MPP7: variants seen among roughly 807,000 people sequenced by gnomAD.
MPP7 encodes MAGUK p55 subfamily member 7.
A neutral mutation model predicts 76.5 loss-of-function variants in MPP7; 60 were observed. The ratio of observed to expected loss-of-function variants is 0.78; its 90% CI spans 0.64 to 0.97. The LOEUF is 0.97. Among genes scored for constraint, MPP7 ranks in the 50% least tolerant of loss-of-function variants. The pLI is 0.00. For missense variants in MPP7, 641 were observed against 694.0 expected (o/e 0.92, Z 0.86); for synonymous variants, 237 against 244.5 (o/e 0.97, Z 0.29).
At chr10:28,300,214 C>T (rs1189517333) in intron 1 of MPP7, among the ~76,000 whole-genome samples, 1 of 152,052 alleles carries the variant, frequency 6.6e-6, no homozygotes, top group Admixed American at 6.5e-5. Flanking sequence ...AAGCGCCCCC[C>T]AGTGCACCAT....
intron 2 of MPP7, among the ~76,000 whole-genome samples, chr10:28,225,817 T>C (rs750960081): frequency 1.3e-5 from 2 of 152,332 alleles, no homozygotes; most frequent in Admixed American, 6.5e-5. Context: ...CACAGGGACA[T>C]ACTTATTTTT....
intron 3 of MPP7, among the ~76,000 whole-genome samples, chr10:28,196,192 A>T (rs1341333150): frequency 6.6e-6 from 1 of 152,170 alleles, no homozygotes. Flanking sequence ...CAATATTCAC[A>T]TATCCAGGCC....
intron 14 of MPP7, among the ~76,000 whole-genome samples, chr10:28,058,848 A>G (rs1324285870): frequency 2.0e-5 from 3 of 152,194 alleles, no homozygotes; most frequent in Non-Finnish European, 1.5e-5. Flanking sequence ...TTAGTCTAGT[A>G]GGGCTCTAAT....
chr10:28,298,457 C>T (rs1235403977), intron 1 of MPP7, among the ~76,000 whole-genome samples: 1 of 152,146 alleles, frequency 6.6e-6, no homozygotes, highest in Non-Finnish European at 1.5e-5. Flanking sequence ...CAATGGTACC[C>T]TTTCTTCTGA....
In MPP7 at chr10:28,334,076, C is replaced by T. The variant is rs532365640; in HGVS notation, c.-206+342G>A. Among the ~76,000 whole-genome samples the T allele has an allele frequency of 3.9e-5, 6 of 152,168 alleles. No individual in the cohort carries two copies. The East Asian group carries it at 9.7e-4, about 25-fold the overall frequency. On this transcript the variant is annotated intron_variant, in intron 1 of 11. Transcript: ENST00000441595. ...ATTAGCCAGGCATTGTGTCACACAC[C>T]TGTAGTCCCAGCTACTCAGGAAGCT...
At chr10:28,233,661 T>C (rs1264936239) in intron 2 of MPP7, among the ~76,000 whole-genome samples, 2 of 147,098 alleles carry the variant, frequency 1.4e-5, no homozygotes, top group Non-Finnish European at 3.0e-5. Context: ...GAACTTGCAA[T>C]GAGCCTAGAC....
At chr10:28,177,187 C>A (rs1326417031) in intron 3 of MPP7, among the ~76,000 whole-genome samples, 3 of 146,250 alleles carry the variant, frequency 2.1e-5, no homozygotes, top group Non-Finnish European at 4.4e-5. Flanking sequence ...GGAGGCCAAG[C>A]AGGCAGATCA....
rs1300502159 is a variant in MPP7 at position 28,256,512 on chromosome 10, G to GA, written c.-131-17778dup. ...AAACTGACTAAGCATCATTAGACAGGAAAAAAAAGTAATGACCTAAAATGT... is the reference window on the plus strand; with the variant it reads ...AAACTGACTAAGCATCATTAGACAGGAAAAAAAAAGTAATGACCTAAAATGT... On this transcript the variant is annotated intron_variant, in intron 1 of 16. Coordinates refer to ENST00000683449, the MANE Select transcript of MPP7 (RefSeq NM_001318170.2). Among the ~76,000 whole-genome samples, 8 of 151,436 alleles carry GA rather than the reference G, an allele frequency of 5.3e-5. No individual in the cohort carries two copies. The East Asian group carries it at 1.4e-3, about 26-fold the overall frequency.
At chr10:28,308,734 C>T (rs374027352) in intron 2 of MPP7, among the ~76,000 whole-genome samples, 1 of 151,806 alleles carries the variant, frequency 6.6e-6, no homozygotes, top group African/African-American at 2.4e-5. Flanking sequence ...GCTATGATCA[C>T]GCCATTGCAC....
At position 28,124,134 on chromosome 10, in the gene MPP7, T is replaced by C. The variant is rs1834932600; in HGVS notation, c.530-18A>G. 3 of 1,556,232 alleles carry C rather than the reference T, an allele frequency of 1.9e-6. No homozygotes were observed. Among genetic ancestry groups the C allele is most frequent in the Middle Eastern group, 1.7e-4 (1 of 5,936 alleles). On this transcript the variant is annotated intron_variant, in intron 7 of 16. Coordinates refer to ENST00000683449, the MANE Select transcript of MPP7 (RefSeq NM_001318170.2). ...AATAAGACCTGAGAAATAGGAGATT[T>C]GGTAAATTAGCAGTGTTACCCACAA...
intron 1 of MPP7, among the ~76,000 whole-genome samples, chr10:28,272,965 T>A (rs998567297): frequency 1.3e-5 from 2 of 152,192 alleles, no homozygotes; most frequent in Admixed American, 6.5e-5. Context: ...TCAGCCAGGC[T>A]GTAGTGTAGT....
chr10:28,084,007 A>C (rs1201744164), intron 12 of MPP7, among the ~76,000 whole-genome samples: 1 of 152,188 alleles, frequency 6.6e-6, no homozygotes, highest in Non-Finnish European at 1.5e-5. Flanking sequence ...ATTGCTCCAA[A>C]ATAGGAAAAG....
chr10:28,245,112 A>C (rs914713240), intron 1 of MPP7, among the ~76,000 whole-genome samples: 1 of 152,154 alleles, frequency 6.6e-6, no homozygotes, highest in Non-Finnish European at 1.5e-5. Context: ...TAAATCTTCA[A>C]GATTACACCA....
intron 11 of MPP7, chr10:28,119,054 A>T: frequency 1.0e-6 from 1 of 985,396 alleles, no homozygotes; most frequent in South Asian, 4.7e-5. Flanking sequence ...AGCTGACAGA[A>T]GATTAGGCTG....
chr10:28,059,661 T>C lies in MPP7; in HGVS notation c.1287A>G (p.Val429=), dbSNP rs1330303586. The part of the protein sequence containing the change: ...FISKHLFETD[V]QNNKFIEYGE... ...AAATGTCCACATACTTGTTATTTTG[T>C]ACATCTGTCTCAAACAAATGCTTGG... Residue 429 remains valine (V), a synonymous_variant, in exon 14 of 17, where the codon GTA becomes GTG. Coordinates refer to ENST00000683449, the MANE Select transcript of MPP7 (RefSeq NM_001318170.2). 6.2e-7 allele frequency: 1 copy of C among 1,611,206 alleles called. No homozygotes were observed. Among genetic ancestry groups the C allele is most frequent in the Admixed American group, 1.7e-5 (1 of 59,822 alleles).
intron 1 of MPP7, among the ~76,000 whole-genome samples, chr10:28,270,669 A>G (rs1840300322): frequency 2.6e-5 from 4 of 152,136 alleles, no homozygotes; most frequent in Admixed American, 2.6e-4. Context: ...CGTTTTCTTA[A>G]ACATGCAGTA....
chr10:28,160,408 G>T (rs1280695253), intron 3 of MPP7, among the ~76,000 whole-genome samples: 8 of 152,200 alleles, frequency 5.3e-5, no homozygotes, highest in Non-Finnish European at 2.9e-5. Context: ...TCACTAACTA[G>T]TACCACTTGG....
chr10:28,292,599 C>T (rs140304855), intron 1 of MPP7, among the ~76,000 whole-genome samples: 127 of 152,266 alleles, frequency 8.3e-4, no homozygotes, highest in African/African-American at 3.0e-3. Context: ...TAATTCAGTT[C>T]ATCTGTGGTC....
intron 8 of MPP7, among the ~76,000 whole-genome samples, 164 bp from the exon 9 acceptor site, chr10:28,120,832 G>A (rs1216453901): frequency 6.6e-6 from 1 of 152,194 alleles, no homozygotes; most frequent in Non-Finnish European, 1.5e-5. Flanking sequence ...CCTGTAATGT[G>A]AGAAAGAAAG....
Sources: allele counts gnomAD v4.1 joint callset (sites outside exome capture counted in the v4.1 genomes callset), GRCh38; gene constraint gnomAD v4.1.1; transcripts MANE v1.5; gene names NCBI Gene and HGNC (gene_info 2026-07-23, HGNC 2026-07-21).